The following OXCT1 variants were observed in gnomAD, a reference collection of about 807,000 sequenced individuals.
OXCT1 encodes 3-oxoacid CoA-transferase 1.
A neutral mutation model predicts 69.6 loss-of-function variants in OXCT1; 27 were observed. The ratio of observed to expected loss-of-function variants is 0.39; its 90% CI spans 0.29 to 0.54. The LOEUF (loss-of-function observed/expected upper bound fraction) is 0.54. Ranked by LOEUF, OXCT1 falls within the 20% of genes least tolerant of loss-of-function variation. OXCT1 has a pLI of 0.72. For missense variants in OXCT1, 437 were observed against 650.2 expected (o/e 0.67, Z 3.57); for synonymous variants, 202 against 217.8 (o/e 0.93, Z 0.64).
In OXCT1 at chr5:41,731,572, C is replaced by A; in HGVS notation, c.*157G>T. 1 of 1,103,192 alleles carries A rather than the reference C, an allele frequency of 9.1e-7. No homozygotes were observed. Among genetic ancestry groups the A allele is most frequent in the Admixed American group, 2.5e-5 (1 of 39,346 alleles). 68.3% of individuals were successfully genotyped at this position (1,103,192 alleles called of 1,614,324 possible). On this transcript the variant is annotated 3_prime_UTR_variant, in exon 17 of 17. Coordinates refer to ENST00000196371, the MANE Select transcript of OXCT1 (RefSeq NM_000436.4). The stretch of plus-strand genomic sequence containing the variant: ...TTTTTATTAAAATGTCACAGCATGC[C>A]TAGAGAACAGTTTATATGGCTGCAT...
chr5:41,856,719 T>G (rs900594288), intron 3 of OXCT1, among the ~76,000 whole-genome samples: 4 of 152,196 alleles, frequency 2.6e-5, no homozygotes, highest in Non-Finnish European at 5.9e-5. Context: ...AAGAAATAGC[T>G]GCATGACTTA....
intron 13 of OXCT1, among the ~76,000 whole-genome samples, chr5:41,784,210 C>T (rs1252855674): frequency 6.6e-6 from 1 of 152,082 alleles, no homozygotes; most frequent in Non-Finnish European, 1.5e-5. Context: ...CTGAAATTTT[C>T]CAAAGAATTC....
intron 14 of OXCT1, among the ~76,000 whole-genome samples, chr5:41,754,739 G>A (rs1743975938): frequency 6.6e-6 from 1 of 152,030 alleles, no homozygotes; most frequent in Admixed American, 6.6e-5. Context: ...CAGGACTTCA[G>A]TAGAGAGACT....
At chr5:41,832,041 C>T (rs1748123143) in intron 7 of OXCT1, among the ~76,000 whole-genome samples, 1 of 152,166 alleles carries the variant, frequency 6.6e-6, no homozygotes, top group Non-Finnish European at 1.5e-5. Context: ...CAAATTTTAA[C>T]AACGATCTGT....
chr5:41,803,029 T>TAA (rs1380966899), intron 10 of OXCT1, 40 bp downstream of exon 10: 1 of 1,351,528 alleles, frequency 7.4e-7, no homozygotes, highest in Admixed American at 1.7e-5. Flanking sequence ...ATCTCATTCT[T>TAA]CATTAAGACT....
intron 7 of OXCT1, among the ~76,000 whole-genome samples, chr5:41,838,953 G>C: frequency 6.6e-6 from 1 of 152,298 alleles, no homozygotes; most frequent in South Asian, 2.1e-4. Flanking sequence ...CCATACTGGA[G>C]AGTGTAGTGA....
chr5:41,863,342 A>C (rs1213800928), intron 1 of OXCT1, among the ~76,000 whole-genome samples: 1 of 152,078 alleles, frequency 6.6e-6, no homozygotes, highest in Non-Finnish European at 1.5e-5. Context: ...TCTCTAAGCA[A>C]TTTTCTAGTA....
chr5:41,779,133 A>G (rs760364586), intron 13 of OXCT1, among the ~76,000 whole-genome samples: 1 of 152,202 alleles, frequency 6.6e-6, no homozygotes, highest in Non-Finnish European at 1.5e-5. Context: ...AAAAATGTTG[A>G]AGTTTTACCA....
chr5:41,738,352 C>A (rs763678289), intron 16 of OXCT1, among the ~76,000 whole-genome samples: 12 of 152,224 alleles, frequency 7.9e-5, no homozygotes, highest in Non-Finnish European at 1.6e-4. Context: ...ACGGGAGGGA[C>A]CTGGTGGGAG....
intron 7 of OXCT1, among the ~76,000 whole-genome samples, chr5:41,818,623 T>C (rs974800118): frequency 1.3e-5 from 2 of 152,164 alleles, no homozygotes; most frequent in African/African-American, 4.8e-5. Context: ...TATTGGCAAT[T>C]ACCTTTTCTC....
chr5:41,809,520 A>G lies in OXCT1; in HGVS notation c.733-2082T>C, dbSNP rs891274709. On this transcript the variant is annotated intron_variant, in intron 7 of 16. Coordinates refer to ENST00000196371, the MANE Select transcript of OXCT1 (RefSeq NM_000436.4). ...TGCACATTTGAAAATAATAATGTGA[A>G]TTATTTTTCATGCCTAATATTGCTC... 1.8e-4 allele frequency among the ~76,000 whole-genome samples: 27 copies of G among 152,066 alleles called. 1 individual carries two copies. The highest frequency in any genetic ancestry group is 1.5e-4 in the Non-Finnish European group (10 of 67,980).
At chr5:41,814,272 G>C (rs542968833) in intron 7 of OXCT1, among the ~76,000 whole-genome samples, 1 of 152,134 alleles carries the variant, frequency 6.6e-6, no homozygotes, top group Admixed American at 6.6e-5. Flanking sequence ...TCAACTGAAT[G>C]AACTTCAGCA....
chr5:41,816,440 A>T (rs778755063), intron 7 of OXCT1, among the ~76,000 whole-genome samples: 12 of 152,312 alleles, frequency 7.9e-5, no homozygotes, highest in Admixed American at 2.0e-4. Flanking sequence ...TAGTACAAGT[A>T]GGGAGATGCA....
At chr5:41,834,926 A>G (rs577090196) in intron 7 of OXCT1, among the ~76,000 whole-genome samples, 17 of 152,318 alleles carry the variant, frequency 1.1e-4, no homozygotes, top group African/African-American at 3.6e-4. Flanking sequence ...GATGTAACTT[A>G]AAGAACTAGA....
intron 7 of OXCT1, among the ~76,000 whole-genome samples, chr5:41,809,181 C>A (rs1746841409): frequency 6.6e-6 from 1 of 151,948 alleles, no homozygotes; most frequent in African/African-American, 2.4e-5. Context: ...TATATACCTA[C>A]AGAAAATAAA....
At chr5:41,826,006 A>G (rs11750790) in intron 7 of OXCT1, among the ~76,000 whole-genome samples, 28,289 of 152,190 alleles carry the variant, frequency 0.19, 2,823 homozygotes, top group Middle Eastern at 0.29. Context: ...CTAATGCTCC[A>G]TATTTCAAAT....
At chr5:41,861,432 T>C (rs769097083) in intron 2 of OXCT1, 28 bp from the exon 3 acceptor site, 13 of 1,236,190 alleles carry the variant, frequency 1.1e-5, no homozygotes, top group Non-Finnish European at 1.2e-5. Context: ...AATAAACAAT[T>C]TGTAAAGGGG....
intron 5 of OXCT1, among the ~76,000 whole-genome samples, chr5:41,846,379 G>T (rs1233085610): frequency 4.1e-5 from 6 of 145,578 alleles, no homozygotes. Context: ...AGAATATGCA[G>T]TGTTTGGTTT....
chr5:41,821,015 T>C (rs1747521505), intron 7 of OXCT1, among the ~76,000 whole-genome samples: 1 of 152,172 alleles, frequency 6.6e-6, no homozygotes, highest in African/African-American at 2.4e-5. Context: ...TCAACTAGAT[T>C]GTAAGATGAT....
Sources: allele counts gnomAD v4.1 joint callset (sites outside exome capture counted in the v4.1 genomes callset), GRCh38; gene constraint gnomAD v4.1.1; transcripts MANE v1.5; gene names NCBI Gene and HGNC (gene_info 2026-07-23, HGNC 2026-07-21).